The following AGBL1 variants were observed in gnomAD, a reference collection of about 807,000 sequenced individuals.
AGBL1 encodes the protein cytosolic carboxypeptidase 4.
A neutral mutation model predicts 118.9 loss-of-function variants in AGBL1; 130 were observed. The observed-to-expected ratio is 1.09, with a 90% CI of 0.95 to 1.26. The LOEUF (loss-of-function observed/expected upper bound fraction) is 1.26. AGBL1 is among the 50% of genes most tolerant of loss of function. The pLI is 0.00. For synonymous variants in AGBL1, 555 were observed against 478.9 expected (o/e 1.16, Z -2.08); for missense variants, 1,584 against 1,298.1 (o/e 1.22, Z -3.38).
chr15:86,747,307 G>T (rs2077772069), intron 22 of AGBL1, among the ~76,000 whole-genome samples: 1 of 151,952 alleles, frequency 6.6e-6, no homozygotes, highest in South Asian at 2.1e-4. Flanking sequence ...TTGTCTAGAT[G>T]GTTGCTGATG....
chr15:86,826,111 C>T (rs2079010488), intron 22 of AGBL1, among the ~76,000 whole-genome samples: 1 of 151,972 alleles, frequency 6.6e-6, no homozygotes, highest in Non-Finnish European at 1.5e-5. Flanking sequence ...TCCAGTTTTG[C>T]TTGTACTTAT....
chr15:86,854,512 T>A (rs1040046775), intron 22 of AGBL1, among the ~76,000 whole-genome samples: 1 of 152,170 alleles, frequency 6.6e-6, no homozygotes, highest in Admixed American at 6.6e-5. Flanking sequence ...AGGATTATGA[T>A]GTTCATCTAT....
At chr15:86,094,487 G>A (rs549393099) in intron 1 of AGBL1, among the ~76,000 whole-genome samples, 13 of 152,120 alleles carry the variant, frequency 8.5e-5, no homozygotes, top group Non-Finnish European at 2.9e-5. Context: ...TTTCATGCAG[G>A]AAGTTTATTG....
chr15:86,791,728 T>TATATATATATATATATA (rs1177264209), intron 22 of AGBL1, among the ~76,000 whole-genome samples: 214 of 142,798 alleles, frequency 1.5e-3, no homozygotes, highest in Non-Finnish European at 2.8e-3. Flanking sequence ...TCCTTGTTTT[T>TATATATATATATATATA]TATATATATA....
At chr15:86,102,439 AG>A (rs1173164852) in intron 1 of AGBL1, among the ~76,000 whole-genome samples, 30 of 152,162 alleles carry the variant, frequency 2.0e-4, no homozygotes, top group Admixed American at 2.0e-3. Flanking sequence ...TTCCAGTTGT[AG>A]GACTCCCTTA....
At chr15:86,721,608 C>T (rs879709310) in intron 22 of AGBL1, among the ~76,000 whole-genome samples, 2 of 152,270 alleles carry the variant, frequency 1.3e-5, no homozygotes, top group South Asian at 4.2e-4. Context: ...GACAGGGATG[C>T]CCTCTCTCAC....
At chr15:86,772,289 G>A (rs2078193083) in intron 22 of AGBL1, among the ~76,000 whole-genome samples, 1 of 152,020 alleles carries the variant, frequency 6.6e-6, no homozygotes, top group Non-Finnish European at 1.5e-5. Context: ...AGCCACAGTA[G>A]CTGTTATAGA....
intron 22 of AGBL1, among the ~76,000 whole-genome samples, chr15:86,723,964 A>G (rs1050695652): frequency 2.0e-5 from 3 of 152,106 alleles, no homozygotes; most frequent in Non-Finnish European, 2.9e-5. Flanking sequence ...GGCCGGGCGC[A>G]GTGGCTCAAG....
chr15:86,332,490 C>CA (rs2080287012), intron 17 of AGBL1, among the ~76,000 whole-genome samples: 1 of 151,806 alleles, frequency 6.6e-6, no homozygotes, highest in African/African-American at 2.4e-5. Flanking sequence ...ACTAAAAATA[C>CA]AAAAAATTAG....
At chr15:86,857,902 C>A (rs1268909765) in intron 22 of AGBL1, among the ~76,000 whole-genome samples, 3 of 152,168 alleles carry the variant, frequency 2.0e-5, no homozygotes, top group African/African-American at 7.2e-5. Flanking sequence ...AAGCTCTTTC[C>A]CACATCCCAC....
At chr15:86,659,831 C>T (rs1398460714) in intron 21 of AGBL1, among the ~76,000 whole-genome samples, 1 of 152,158 alleles carries the variant, frequency 6.6e-6, no homozygotes, top group Non-Finnish European at 1.5e-5. Context: ...TCCAGCTGTT[C>T]CCTCCTGAGC....
At chr15:86,267,227 G>T (rs1567167369) in intron 13 of AGBL1, among the ~76,000 whole-genome samples, 151 bp downstream of exon 13, 1 of 152,156 alleles carries the variant, frequency 6.6e-6, no homozygotes, top group Non-Finnish European at 1.5e-5. Flanking sequence ...TTGGCAAACA[G>T]TACGAGTGAA....
At chr15:86,822,859 A>G (rs1452986544) in intron 22 of AGBL1, among the ~76,000 whole-genome samples, 3 of 152,158 alleles carry the variant, frequency 2.0e-5, no homozygotes, top group Non-Finnish European at 4.4e-5. Context: ...TACAGTAAGT[A>G]TAATAACATC....
At chr15:86,627,472 C>G (rs1251893106) in intron 21 of AGBL1, among the ~76,000 whole-genome samples, 1 of 152,110 alleles carries the variant, frequency 6.6e-6, no homozygotes, top group African/African-American at 2.4e-5. Context: ...GACTTGGCCT[C>G]TGATTAAACA....
intron 22 of AGBL1, among the ~76,000 whole-genome samples, chr15:86,816,856 AT>A (rs368832970): frequency 1.3e-4 from 19 of 148,406 alleles, no homozygotes; most frequent in African/African-American, 4.4e-4. Flanking sequence ...TTATCTAAAT[AT>A]TTTTTTTCCT....
chr15:86,566,195 A>G (rs1031821374), intron 21 of AGBL1, among the ~76,000 whole-genome samples: 1 of 152,164 alleles, frequency 6.6e-6, no homozygotes, highest in Non-Finnish European at 1.5e-5. Flanking sequence ...TTGGAAATGC[A>G]TACATCACCC....
chr15:86,224,227 G>A (rs2078323895), intron 5 of AGBL1, among the ~76,000 whole-genome samples: 1 of 152,162 alleles, frequency 6.6e-6, no homozygotes, highest in Admixed American at 6.5e-5. Flanking sequence ...TGCCCTGTAG[G>A]TAGATTTTTG....
At chr15:86,141,752 T>C (rs1307300731) in intron 1 of AGBL1, among the ~76,000 whole-genome samples, 1 of 152,244 alleles carries the variant, frequency 6.6e-6, no homozygotes, top group African/African-American at 2.4e-5. Flanking sequence ...TAAATCATTA[T>C]TGCTTATTCT....
intron 18 of AGBL1, among the ~76,000 whole-genome samples, chr15:86,501,414 C>A (rs1004979498): frequency 6.6e-6 from 1 of 151,476 alleles, no homozygotes; most frequent in African/African-American, 2.4e-5. Context: ...TTTTCACTTT[C>A]TTGATAGTGT....
Sources: gnomAD v4.1 joint callset for allele counts (sites outside exome capture counted in the v4.1 genomes callset) on GRCh38, gnomAD v4.1.1 for gene constraint, MANE v1.5 for transcripts, NCBI Gene and HGNC (gene_info 2026-07-23, HGNC 2026-07-21) for gene names.